The following EYS variants were observed in gnomAD, a reference collection of about 807,000 sequenced individuals.
EYS encodes the protein protein eyes shut homolog.
EYS carries 250 observed loss-of-function variants against 282.1 expected under a neutral mutation model. The observed-to-expected ratio is 0.89, with a 90% CI of 0.80 to 0.98. EYS has a LOEUF of 0.98. Among genes scored for constraint, EYS ranks in the 50% least tolerant of loss-of-function variants. The pLI is 0.00. For synonymous variants in EYS, 1,355 were observed against 1,282.9 expected (o/e 1.06, Z -1.20); for missense variants, 4,016 against 3,709.0 (o/e 1.08, Z -2.15).
At chr6:64,570,915 C>G (rs887815310) in intron 26 of EYS, among the ~76,000 whole-genome samples, 3 of 152,122 alleles carry the variant, frequency 2.0e-5, no homozygotes, top group Non-Finnish European at 4.4e-5. Context: ...GAACTCAGCT[C>G]TGGACCAAGC....
intron 35 of EYS, among the ~76,000 whole-genome samples, chr6:63,977,517 G>C (rs1351837074): frequency 6.6e-6 from 1 of 152,000 alleles, no homozygotes; most frequent in East Asian, 1.9e-4. Context: ...ACATGTACAA[G>C]GTTGAGGGCC....
At chr6:64,946,666 G>T (rs1320720135) in intron 14 of EYS, among the ~76,000 whole-genome samples, 1 of 151,850 alleles carries the variant, frequency 6.6e-6, no homozygotes, top group Non-Finnish European at 1.5e-5. Flanking sequence ...ATTTAAATCT[G>T]CACTTTTCAA....
Position 64,980,432 on chromosome 6 carries a change from C to A in EYS, c.2259+17150G>T, listed in dbSNP as rs117869462. Among the ~76,000 whole-genome samples the A allele has an allele frequency of 1.8e-4, 27 of 151,400 alleles. No individual in the cohort carries two copies. In the East Asian group the frequency reaches 5.1e-3, roughly 28 times the overall value. On this transcript the variant is annotated intron_variant, in intron 14 of 42. Coordinates refer to ENST00000503581, the MANE Select transcript of EYS (RefSeq NM_001142800.2). Reference sequence around the variant, plus strand: ...CTCAAGATAATTCTCCAGAATGCCACAATAAATATATATGTCTTTATATGC... The same window carrying A: ...CTCAAGATAATTCTCCAGAATGCCAAAATAAATATATATGTCTTTATATGC...
intron 8 of EYS, among the ~76,000 whole-genome samples, chr6:65,357,876 T>C (rs1021960390): frequency 7.2e-5 from 11 of 152,086 alleles, no homozygotes; most frequent in African/African-American, 2.4e-4. Flanking sequence ...TTTTTCGTTT[T>C]TGTAAACTTA....
At chr6:65,336,732 T>G (rs1453101646) in intron 10 of EYS, among the ~76,000 whole-genome samples, 1 of 151,290 alleles carries the variant, frequency 6.6e-6, no homozygotes, top group Non-Finnish European at 1.5e-5. Context: ...CATGTTTGTT[T>G]AATATTTTCA....
At chr6:64,940,975 T>C (rs1044473041) in intron 15 of EYS, among the ~76,000 whole-genome samples, 1 of 151,516 alleles carries the variant, frequency 6.6e-6, no homozygotes, top group African/African-American at 2.4e-5. Flanking sequence ...TCTGAGTGTG[T>C]TTGTATGCAA....
At chr6:64,886,555 T>G in intron 19 of EYS, 142 bp downstream of exon 19, 1 of 516,766 alleles carries the variant, frequency 1.9e-6, no homozygotes, top group Non-Finnish European at 3.2e-6. Flanking sequence ...TTAATTTCTT[T>G]TATAAGAGAC....
chr6:64,207,327 C>T lies in EYS; in HGVS notation c.6424+23265G>A, dbSNP rs568008131. 5.3e-5 allele frequency among the ~76,000 whole-genome samples: 8 copies of T among 152,184 alleles called. No homozygotes were observed. The East Asian group carries it at 7.8e-4, about 15-fold the overall frequency. Reference sequence around the variant, plus strand: ...ACGTAACACAAAGGCCCTCAACAGACATGGTCCCTCAATCTTGGCCTTCCA... The same window carrying T: ...ACGTAACACAAAGGCCCTCAACAGATATGGTCCCTCAATCTTGGCCTTCCA... On this transcript the variant is annotated intron_variant, in intron 31 of 42. Coordinates refer to ENST00000503581, the MANE Select transcript of EYS (RefSeq NM_001142800.2).
chr6:64,470,488 T>A (rs954316915), intron 26 of EYS, among the ~76,000 whole-genome samples: 1 of 152,186 alleles, frequency 6.6e-6, no homozygotes, highest in Non-Finnish European at 1.5e-5. Flanking sequence ...AATCAAGATC[T>A]TCAACCACAG....
chr6:64,393,339 T>G (rs1773230130), intron 28 of EYS, among the ~76,000 whole-genome samples: 4 of 152,134 alleles, frequency 2.6e-5, no homozygotes, highest in African/African-American at 9.7e-5. Context: ...AAAAGAGAAT[T>G]TTAGACCAAT....
intron 2 of EYS, among the ~76,000 whole-genome samples, chr6:65,606,551 A>G (rs1292693495): frequency 6.6e-6 from 1 of 151,882 alleles, no homozygotes; most frequent in Non-Finnish European, 1.5e-5. Context: ...TGCCCTGATT[A>G]GATCAATTTT....
At position 65,184,797 on chromosome 6, in the gene EYS, C is replaced by T. The variant is rs538111838; in HGVS notation, c.2023+111066G>A. On this transcript the variant is annotated intron_variant, in intron 12 of 42. Coordinates refer to ENST00000503581, the MANE Select transcript of EYS (RefSeq NM_001142800.2). ...GCAATTTGGCTTCACAAATATAAAA[C>T]CTCAAATAAATTTATATATTTTGAC... Among the ~76,000 whole-genome samples the T allele has an allele frequency of 1.7e-3, 257 of 151,620 alleles. 2 individuals are homozygous for T. The highest frequency in any genetic ancestry group is 5.8e-3 in the African/African-American group (242 of 41,450).
intron 35 of EYS, among the ~76,000 whole-genome samples, chr6:63,871,172 C>T (rs1394742387): frequency 6.6e-6 from 1 of 152,160 alleles, no homozygotes; most frequent in African/African-American, 2.4e-5. Context: ...ATATTTGAAG[C>T]ATAGAGTATA....
intron 5 of EYS, among the ~76,000 whole-genome samples, chr6:65,462,208 TTAAA>T (rs1419805369): frequency 2.0e-5 from 3 of 152,128 alleles, no homozygotes; most frequent in African/African-American, 4.8e-5. Context: ...AGAAGTCAAC[TTAAA>T]TAATTCATGT....
At chr6:65,634,431 T>A (rs1767020011) in intron 2 of EYS, among the ~76,000 whole-genome samples, 1 of 152,176 alleles carries the variant, frequency 6.6e-6, no homozygotes, top group Non-Finnish European at 1.5e-5. Context: ...AAATATTGAA[T>A]CACTTTAGGA....
intron 22 of EYS, among the ~76,000 whole-genome samples, chr6:64,795,033 G>A (rs1427821065): frequency 2.6e-5 from 4 of 151,976 alleles, no homozygotes; most frequent in South Asian, 2.1e-4. Context: ...TCAGGAGCTC[G>A]AGACTAGCCT....
At chr6:64,212,462 A>C (rs1765808240) in intron 31 of EYS, among the ~76,000 whole-genome samples, 1 of 152,114 alleles carries the variant, frequency 6.6e-6, no homozygotes, top group Non-Finnish European at 1.5e-5. Context: ...TATATTAAAA[A>C]TACACTTGTA....
At chr6:64,863,548 C>T (rs9351455) in intron 19 of EYS, among the ~76,000 whole-genome samples, 23,657 of 152,046 alleles carry the variant, frequency 0.16, 2,164 homozygotes, top group East Asian at 0.49. Context: ...CTTTAAAAAT[C>T]GTTCAGTTTG....
intron 26 of EYS, among the ~76,000 whole-genome samples, chr6:64,486,282 T>A (rs2150502851): frequency 6.6e-6 from 1 of 151,566 alleles, no homozygotes; most frequent in East Asian, 1.9e-4. Flanking sequence ...TATTTTAGTT[T>A]TAAAAAATAT....
Sources: gnomAD v4.1 joint callset for allele counts (sites outside exome capture counted in the v4.1 genomes callset) on GRCh38, gnomAD v4.1.1 for gene constraint, MANE v1.5 for transcripts, NCBI Gene and HGNC (gene_info 2026-07-23, HGNC 2026-07-21) for gene names.